DMD: variants seen among roughly 807,000 people sequenced by gnomAD.
DMD encodes dystrophin.
Under a neutral mutation model 330.1 loss-of-function variants are expected in DMD, and 63 were observed. The ratio of observed to expected loss-of-function variants is 0.19; its 90% CI spans 0.16 to 0.24. DMD has a LOEUF of 0.24. Ranked by LOEUF, DMD falls within the 10% of genes least tolerant of loss-of-function variation. The pLI, the probability that DMD is intolerant of heterozygous loss-of-function variation, is 1.00. For synonymous variants in DMD, 1,223 were observed against 959.8 expected, an observed-to-expected ratio of 1.27 and a Z score of -5.07; for missense variants, 3,344 against 2,684.1, an observed-to-expected ratio of 1.25 and a Z score of -5.43.
intron 55 of DMD, among the ~76,000 whole-genome samples, chrX:31,536,548 G>T (rs1332198451): frequency 2.7e-5 from 3 of 111,632 alleles, no homozygotes; most frequent in African/African-American, 9.8e-5. Flanking sequence ...GGATCCTAGA[G>T]CAGCTATTTC....
At chrX:32,416,065 A>C (rs758720866) in intron 29 of DMD, among the ~76,000 whole-genome samples, 40 of 112,293 alleles carry the variant, frequency 3.6e-4, no homozygotes, top group Non-Finnish European at 6.2e-4. Flanking sequence ...ATCAAAGTGT[A>C]GCATGTCTAA....
intron 55 of DMD, among the ~76,000 whole-genome samples, chrX:31,621,899 T>G (rs1047206657): frequency 5.3e-5 from 6 of 112,254 alleles, no homozygotes; most frequent in African/African-American, 1.9e-4. Context: ...TTCAACCCCA[T>G]GAACCTAAAT....
chrX:32,274,390 T>C (rs1321232310), intron 43 of DMD, among the ~76,000 whole-genome samples: 1 of 112,073 alleles, frequency 8.9e-6, no homozygotes, highest in East Asian at 2.8e-4. Flanking sequence ...CAATTTCTTA[T>C]CTGAAGAAAG....
chrX:32,609,069 CAA>C, intron 12 of DMD, among the ~76,000 whole-genome samples: 1 of 110,396 alleles, frequency 9.1e-6, no homozygotes, highest in East Asian at 2.9e-4. Flanking sequence ...TCTCAAGTCC[CAA>C]TTGCCCAGTC....
chrX:31,803,701 T>TC (rs2092176814), intron 50 of DMD, among the ~76,000 whole-genome samples: 3 of 81,064 alleles, frequency 3.7e-5, no homozygotes, highest in Non-Finnish European at 7.6e-5. Context: ...TCTCTCTCTC[T>TC]TTCTTTTTAT....
At chrX:32,614,258 G>C in intron 12 of DMD, 45 bp downstream of exon 12, 2 of 1,184,726 alleles carry the variant, frequency 1.7e-6, no homozygotes, top group Admixed American at 2.2e-5. Flanking sequence ...ACTATACACA[G>C]AGTTTGCTTT....
chrX:32,714,531 TATATACACACCACATTA>T (rs2065495175), intron 7 of DMD, among the ~76,000 whole-genome samples: 1 of 111,905 alleles, frequency 8.9e-6, no homozygotes, highest in Non-Finnish European at 1.9e-5. Context: ...TATTCCATTA[TATATACACACCACATTA>T]TCTTTATCTA....
intron 44 of DMD, among the ~76,000 whole-genome samples, chrX:32,181,211 A>T (rs144564257): frequency 8.9e-6 from 1 of 111,774 alleles, no homozygotes; most frequent in Non-Finnish European, 1.9e-5. Flanking sequence ...CTTAGAATGT[A>T]GGTACTCAGA....
intron 42 of DMD, among the ~76,000 whole-genome samples, chrX:32,294,145 T>C (rs2097485949): frequency 9.0e-6 from 1 of 111,707 alleles, no homozygotes; most frequent in Non-Finnish European, 1.9e-5. Flanking sequence ...TTTAAGTCAC[T>C]GTCTCCATCA....
At chrX:33,033,308 G>A (rs963976025) in intron 1 of DMD, among the ~76,000 whole-genome samples, 4 of 109,477 alleles carry the variant, frequency 3.7e-5, no homozygotes, top group Non-Finnish European at 7.6e-5. Context: ...TCGGTGACAG[G>A]ACTACACCGA....
chrX:33,060,225 A>G (rs2094566045), intron 1 of DMD, among the ~76,000 whole-genome samples: 1 of 110,912 alleles, frequency 9.0e-6, no homozygotes, highest in Admixed American at 9.7e-5. Context: ...CAGTGGATGG[A>G]AAATTATTAA....
At chrX:31,868,025 C>G (rs1027020056) in intron 48 of DMD, among the ~76,000 whole-genome samples, 4 of 111,695 alleles carry the variant, frequency 3.6e-5, no homozygotes, top group African/African-American at 9.7e-5. Flanking sequence ...ACAGGACCAT[C>G]TTTGAGACCC....
Position 32,974,967 on chromosome X carries a change from G to T in DMD, c.93+45172C>A, listed in dbSNP as rs369431893. On this transcript the variant is annotated intron_variant, in intron 2 of 78. Coordinates refer to ENST00000357033, the MANE Select transcript of DMD (RefSeq NM_004006.3). ...TTTACAGGCATGGGAGAGGATAAATGAAGCTAGAAAAAGGAGTACTGAAAA... is the reference window on the plus strand; with the variant it reads ...TTTACAGGCATGGGAGAGGATAAATTAAGCTAGAAAAAGGAGTACTGAAAA... 4.2e-4 allele frequency among the ~76,000 whole-genome samples: 47 copies of T among 111,882 alleles called. No individual in the cohort carries two copies. In the South Asian group the frequency reaches 0.017, roughly 40 times the overall value.
intron 62 of DMD, among the ~76,000 whole-genome samples, chrX:31,266,029 CAA>C (rs1439964131): frequency 9.2e-6 from 1 of 108,192 alleles, no homozygotes; most frequent in Non-Finnish European, 1.9e-5. Flanking sequence ...CTAATATAAG[CAA>C]AGTGTTCTGC....
chrX:32,955,148 A>T (rs1481104535), intron 2 of DMD, among the ~76,000 whole-genome samples: 1 of 112,131 alleles, frequency 8.9e-6, no homozygotes, highest in African/African-American at 3.2e-5. Flanking sequence ...ACTAATGTAC[A>T]GTCCCACCAA....
chrX:32,376,001 C>T (rs888611095), intron 34 of DMD, among the ~76,000 whole-genome samples: 2 of 111,457 alleles, frequency 1.8e-5, no homozygotes, highest in African/African-American at 3.3e-5. Flanking sequence ...CTCTTCTGGC[C>T]GGGTGTGGTG....
chrX:32,480,505 A>G (rs1396885835), intron 21 of DMD, among the ~76,000 whole-genome samples: 1 of 111,102 alleles, frequency 9.0e-6, no homozygotes, highest in African/African-American at 3.3e-5. Context: ...GTTTATATAC[A>G]CAGAATGTGT....
At chrX:31,541,706 AT>A (rs1002855783) in intron 55 of DMD, among the ~76,000 whole-genome samples, 2 of 110,499 alleles carry the variant, frequency 1.8e-5, no homozygotes, top group Non-Finnish European at 3.8e-5. Context: ...CATGATATAT[AT>A]GTGCCACATT....
chrX:32,168,946 C>A (rs2096878008), intron 44 of DMD, among the ~76,000 whole-genome samples: 1 of 112,017 alleles, frequency 8.9e-6, no homozygotes, highest in African/African-American at 3.2e-5. Context: ...ATTATCCCTG[C>A]TTTAGCTACC....
Sources: allele counts gnomAD v4.1 joint callset (sites outside exome capture counted in the v4.1 genomes callset), GRCh38; gene constraint gnomAD v4.1.1; transcripts MANE v1.5; gene names NCBI Gene and HGNC (gene_info 2026-07-23, HGNC 2026-07-21).